TRERF1: variants seen among roughly 807,000 people sequenced by gnomAD.
TRERF1 encodes transcriptional-regulating factor 1.
TRERF1 carries 27 observed loss-of-function variants against 122.9 expected under a neutral mutation model. The ratio of observed to expected loss-of-function variants is 0.22; its 90% CI spans 0.16 to 0.30. TRERF1 has a LOEUF of 0.30. TRERF1 is among the 10% of genes least tolerant of loss of function. The pLI, the probability that TRERF1 is intolerant of heterozygous loss-of-function variation, is 1.00. For synonymous variants in TRERF1, 636 were observed against 641.7 expected, an observed-to-expected ratio of 0.99 and a Z score of 0.13; for missense variants, 1,248 against 1,560.3, an observed-to-expected ratio of 0.80 and a Z score of 3.37.
At position 42,364,874 on chromosome 6, in the gene TRERF1, C is replaced by T. The variant is rs1460603991; in HGVS notation, c.-453-1795G>A. Among the ~76,000 whole-genome samples the T allele has an allele frequency of 5.3e-5, 8 of 152,154 alleles. No homozygotes were observed. In the East Asian group the frequency reaches 1.4e-3, roughly 26 times the overall value. On this transcript the variant is annotated intron_variant, in intron 2 of 17. Transcript: ENST00000372922. ...TGAAGGGCTGAGGAAGTTGCTGCTG[C>T]AGGACTGAGGCGTGAGGTCCCAGGG...
Position 42,377,415 on chromosome 6 carries a change from C to T in TRERF1, c.-453-14336G>A, listed in dbSNP as rs1436794272. ...GACATTTCCTATAAATGGGATTGTA[C>T]ACCATATGGCCTTTTGTGACTGGCT... is the stretch of plus-strand genomic sequence containing the variant. On this transcript the variant is annotated intron_variant, in intron 2 of 17. Transcript: ENST00000372922. Among the ~76,000 whole-genome samples the T allele has an allele frequency of 3.9e-5, 6 of 152,176 alleles. No individual in the cohort carries two copies. In the East Asian group the frequency reaches 9.6e-4, roughly 24 times the overall value.
intron 2 of TRERF1, among the ~76,000 whole-genome samples, chr6:42,383,425 C>T (rs1776287637): frequency 6.6e-6 from 1 of 152,074 alleles, no homozygotes; most frequent in Non-Finnish European, 1.5e-5. Context: ...CCCCTAACAC[C>T]CCCTTCCTCC....
At chr6:42,304,076 A>C (rs567621500) in intron 3 of TRERF1, among the ~76,000 whole-genome samples, 27 of 152,158 alleles carry the variant, frequency 1.8e-4, no homozygotes, top group Non-Finnish European at 3.7e-4. Context: ...CTCCCAATGT[A>C]TGATAAGTTT....
intron 2 of TRERF1, among the ~76,000 whole-genome samples, chr6:42,412,253 G>A (rs561599645): frequency 3.3e-5 from 5 of 151,974 alleles, no homozygotes; most frequent in East Asian, 1.9e-4. Flanking sequence ...CGCCCACTTC[G>A]GCCTCCCAAA....
At chr6:42,256,814 A>C (rs1776832341) in exon 12 of TRERF1, 1 of 1,614,258 alleles carries the variant, frequency 6.2e-7, no homozygotes, top group Middle Eastern at 1.6e-4. Context: ...GAACAGCACA[A>C]ATTCAGAAGA....
intron 4 of TRERF1, among the ~76,000 whole-genome samples, chr6:42,297,226 C>A (rs1282500447): frequency 6.6e-6 from 1 of 152,180 alleles, no homozygotes; most frequent in Non-Finnish European, 1.5e-5. Context: ...ATATGGCAGA[C>A]CGGATACCTT....
chr6:42,346,631 G>C (rs1768345952), intron 3 of TRERF1, among the ~76,000 whole-genome samples: 1 of 152,134 alleles, frequency 6.6e-6, no homozygotes, highest in Non-Finnish European at 1.5e-5. Flanking sequence ...AAGGGAAAAG[G>C]AATTTCAAAA....
intron 2 of TRERF1, among the ~76,000 whole-genome samples, chr6:42,418,217 C>CATTT (rs1491418662): frequency 1.1e-4 from 1 of 9,082 alleles, no homozygotes; most frequent in Non-Finnish European, 5.0e-4. Flanking sequence ...CTTTTTCTTT[C>CATTT]CTTTTTTTTT....
At chr6:42,231,040 G>C (rs533825265) in intron 17 of TRERF1, among the ~76,000 whole-genome samples, 16 of 152,226 alleles carry the variant, frequency 1.1e-4, no homozygotes, top group Non-Finnish European at 1.5e-4. Flanking sequence ...GCTATGGGTT[G>C]AATGTGTCCC....
In TRERF1 at chr6:42,305,753, G is replaced by A. The variant is rs57140757; in HGVS notation, c.-370-5004C>T. On this transcript the variant is annotated intron_variant, in intron 3 of 17. Coordinates refer to ENST00000372922, the Ensembl canonical transcript of TRERF1. ...AAAGAAGAAAAAGGAACAGGGGGAG[G>A]GGGATGCAGGAAAATGGAGAGGAGG... Among the ~76,000 whole-genome samples the A allele has an allele frequency of 7.2e-3, 1,089 of 152,102 alleles. 13 individuals are homozygous for A. Among genetic ancestry groups the A allele is most frequent in the African/African-American group, 0.023 (954 of 41,456 alleles).
intron 2 of TRERF1, among the ~76,000 whole-genome samples, chr6:42,421,905 C>T (rs962444259): frequency 5.3e-5 from 8 of 151,974 alleles, no homozygotes; most frequent in East Asian, 1.9e-4. Flanking sequence ...TGGTGGCTCA[C>T]GCCTGTAATC....
chr6:42,313,528 C>T (rs1451579822), intron 3 of TRERF1, among the ~76,000 whole-genome samples: 1 of 152,144 alleles, frequency 6.6e-6, no homozygotes, highest in Non-Finnish European at 1.5e-5. Flanking sequence ...CTCCATCTGT[C>T]ACCTGTAAAT....
At chr6:42,395,425 G>A (rs1778428507) in intron 2 of TRERF1, among the ~76,000 whole-genome samples, 1 of 152,152 alleles carries the variant, frequency 6.6e-6, no homozygotes, top group Non-Finnish European at 1.5e-5. Flanking sequence ...CAACAGGAGG[G>A]GGACAGAGGA....
At position 42,228,512 on chromosome 6, in the gene TRERF1, G is replaced by A; in HGVS notation, c.3436C>T (p.Pro1146Ser). 5.6e-6 allele frequency: 9 copies of A among 1,614,156 alleles called. No individual in the cohort carries two copies. Among genetic ancestry groups the A allele is most frequent in the Non-Finnish European group, 7.6e-6 (9 of 1,180,022 alleles). Residue 1146 changes from proline (P) to serine (S), a missense_variant, in exon 18 of 18, where the codon CCC (proline) becomes TCC (serine). Pro to Ser is a moderately conservative substitution (Grantham distance 74). This residue lies in a region of TRERF1 where 84 missense variants were observed against 116.0 expected (regional missense o/e 0.72). Coordinates refer to ENST00000372922, the Ensembl canonical transcript of TRERF1. The surrounding 1 kb of genome is among the most constrained non-coding windows in gnomAD (Gnocchi z 4.2). The stretch of plus-strand genomic sequence containing the variant: ...TTGATCAGACTCAGCTGGTCCAGGG[G>A]CAGCAGCCCCGGCGCCCCCACGGGC...
intron 3 of TRERF1, among the ~76,000 whole-genome samples, chr6:42,302,481 G>GT (rs1269888582): frequency 1.3e-5 from 2 of 152,010 alleles, no homozygotes; most frequent in Non-Finnish European, 2.9e-5. Flanking sequence ...TGTTTGTTTT[G>GT]TTTTTTTAAA....
chr6:42,302,972 G>GAGCT (rs1251737316), intron 3 of TRERF1, among the ~76,000 whole-genome samples: 13 of 152,342 alleles, frequency 8.5e-5, no homozygotes, highest in African/African-American at 2.6e-4. Context: ...GTCAGGCATG[G>GAGCT]AGCTAGACTC....
At chr6:42,433,478 G>A (rs1437034182) in intron 2 of TRERF1, among the ~76,000 whole-genome samples, 2 of 151,960 alleles carry the variant, frequency 1.3e-5, no homozygotes, top group Non-Finnish European at 2.9e-5. Context: ...TAGTTTTACA[G>A]TGGCAAGCAG....
At chr6:42,409,195 C>T (rs1780737295) in intron 2 of TRERF1, among the ~76,000 whole-genome samples, 1 of 152,064 alleles carries the variant, frequency 6.6e-6, no homozygotes, top group Admixed American at 6.6e-5. Flanking sequence ...GGGAAGATTG[C>T]CTGCGCCCAG....
intron 3 of TRERF1, among the ~76,000 whole-genome samples, chr6:42,311,804 G>A (rs967419774): frequency 7.9e-5 from 12 of 151,140 alleles, no homozygotes; most frequent in African/African-American, 2.9e-4. Context: ...ATCATGGAGG[G>A]TTGTGAGCAG....
Sources: allele counts gnomAD v4.1 joint callset (sites outside exome capture counted in the v4.1 genomes callset), GRCh38; gene constraint gnomAD v4.1.1; regional missense constraint gnomAD v4.1.1; non-coding constraint Gnocchi (gnomAD v3.1); transcripts MANE v1.5; gene names NCBI Gene and HGNC (gene_info 2026-07-23, HGNC 2026-07-21).